The following METTL15 variants were observed in gnomAD, a reference collection of about 807,000 sequenced individuals.
METTL15 encodes methyltransferase 15, mitochondrial 12S rRNA N4-cytidine, also known as 12S rRNA N(4)-cytidine methyltransferase METTL15.
Under a neutral mutation model 38.3 loss-of-function variants are expected in METTL15, and 34 were observed. The ratio of observed to expected loss-of-function variants is 0.89; its 90% CI spans 0.68 to 1.18. METTL15 has a LOEUF of 1.18. Among genes scored for constraint, METTL15 ranks in the 50% most tolerant of loss-of-function variants. METTL15 has a pLI of 0.00. For missense variants in METTL15, 438 were observed against 498.4 expected, an observed-to-expected ratio of 0.88 and a Z score of 1.15; for synonymous variants, 162 against 170.9, an observed-to-expected ratio of 0.95 and a Z score of 0.41.
intron 3 of METTL15, among the ~76,000 whole-genome samples, chr11:28,173,170 G>C (rs1850922620): frequency 6.6e-6 from 1 of 152,086 alleles, no homozygotes; most frequent in Non-Finnish European, 1.5e-5. Flanking sequence ...AGATACTACA[G>C]AGTTCCCTAA....
chr11:28,372,053 C>G (rs1161376648), intron 5 of METTL15, among the ~76,000 whole-genome samples: 1 of 151,990 alleles, frequency 6.6e-6, no homozygotes, highest in Non-Finnish European at 1.5e-5. Flanking sequence ...AGTAGGCATT[C>G]TTATCATATT....
At chr11:28,338,230 T>G (rs865906175), downstream of METTL15, among the ~76,000 whole-genome samples, 2 of 152,104 alleles carry the variant, frequency 1.3e-5, no homozygotes, top group East Asian at 1.9e-4. Flanking sequence ...ACTGTTTTTC[T>G]TACCAAAATA....
chr11:28,362,761 A>G (rs1850151252), intron 5 of METTL15, among the ~76,000 whole-genome samples: 1 of 152,084 alleles, frequency 6.6e-6, no homozygotes, highest in African/African-American at 2.4e-5. Flanking sequence ...TCTTTATCTA[A>G]TCCACTGTTG....
intron 6 of METTL15, among the ~76,000 whole-genome samples, chr11:28,427,863 A>G (rs1850879246): frequency 6.6e-6 from 1 of 152,212 alleles, no homozygotes; most frequent in African/African-American, 2.4e-5. Context: ...TCATTTGCAA[A>G]CAAAGATAGT....
chr11:28,428,657 C>T (rs1850885598), intron 6 of METTL15, among the ~76,000 whole-genome samples: 1 of 152,182 alleles, frequency 6.6e-6, no homozygotes, highest in Non-Finnish European at 1.5e-5. Context: ...CTAACATGGA[C>T]TCTGGGAGGC....
rs1856347200 is a variant in METTL15 at position 28,287,879 on chromosome 11, G to A, written c.408-2327G>A. 2.6e-5 allele frequency among the ~76,000 whole-genome samples: 4 copies of A among 152,050 alleles called. 1 individual carries two copies. In the South Asian group the frequency reaches 6.2e-4, roughly 24 times the overall value. On this transcript the variant is annotated intron_variant, in intron 4 of 6. Transcript: ENST00000407364. ...ATCACATTCTTCTGGGGACCAGGGG[G>A]CAACCCAACCTCTTAAAATCTCCTT...
chr11:28,268,043 A>G (rs1024677888), intron 4 of METTL15, among the ~76,000 whole-genome samples: 3 of 151,516 alleles, frequency 2.0e-5, no homozygotes, highest in Non-Finnish European at 3.0e-5. Context: ...TAAAAATACA[A>G]AAAATTAGCC....
At chr11:28,466,251 A>T (rs1467275860) in intron 6 of METTL15, among the ~76,000 whole-genome samples, 1 of 152,210 alleles carries the variant, frequency 6.6e-6, no homozygotes, top group East Asian at 1.9e-4. Context: ...AGGTGGATAG[A>T]TTGACGAACG....
chr11:28,418,259 T>C (rs184697093), intron 5 of METTL15, among the ~76,000 whole-genome samples: 1 of 152,264 alleles, frequency 6.6e-6, no homozygotes, highest in East Asian at 1.9e-4. Flanking sequence ...TACAAGCAAA[T>C]TGACTCCAAC....
At chr11:28,415,480 G>A (rs1398531790) in intron 5 of METTL15, among the ~76,000 whole-genome samples, 1 of 152,168 alleles carries the variant, frequency 6.6e-6, no homozygotes, top group Non-Finnish European at 1.5e-5. Context: ...TGAAGAATAT[G>A]TATACACATT....
chr11:28,454,540 A>C (rs763188062), intron 6 of METTL15, among the ~76,000 whole-genome samples: 1 of 152,162 alleles, frequency 6.6e-6, no homozygotes, highest in Non-Finnish European at 1.5e-5. Flanking sequence ...CTTTCTCTAC[A>C]TTATACCAGA....
chr11:28,305,277 C>A (rs950482031), intron 6 of METTL15, among the ~76,000 whole-genome samples: 1 of 152,080 alleles, frequency 6.6e-6, no homozygotes, highest in African/African-American at 2.4e-5. Context: ...TTTGTGGCAC[C>A]AAATGGGGAG....
intron 6 of METTL15, among the ~76,000 whole-genome samples, chr11:28,489,110 T>A (rs1436708700): frequency 6.6e-6 from 1 of 152,156 alleles, no homozygotes; most frequent in Non-Finnish European, 1.5e-5. Flanking sequence ...GGGTGAGATG[T>A]GTGTCACAAA....
intron 3 of METTL15, among the ~76,000 whole-genome samples, chr11:28,175,030 T>C (rs1187607750): frequency 1.3e-5 from 2 of 152,164 alleles, no homozygotes; most frequent in East Asian, 1.9e-4. Flanking sequence ...ATGTGCCATG[T>C]TGGTGTGCTG....
At chr11:28,430,521 G>C (rs1445216218) in intron 6 of METTL15, among the ~76,000 whole-genome samples, 8 of 23,504 alleles carry the variant, frequency 3.4e-4, no homozygotes, top group African/African-American at 1.4e-3. Flanking sequence ...CCCCCCACCC[G>C]GCCAGCCGCC....
At chr11:28,424,035 A>G (rs960607717) in intron 5 of METTL15, among the ~76,000 whole-genome samples, 5 of 152,010 alleles carry the variant, frequency 3.3e-5, no homozygotes, top group Non-Finnish European at 7.4e-5. Flanking sequence ...CAAACAAAAA[A>G]CTTCCATAAA....
At chr11:28,122,952 G>A (rs1852315118) in intron 3 of METTL15, among the ~76,000 whole-genome samples, 1 of 151,892 alleles carries the variant, frequency 6.6e-6, no homozygotes, top group African/African-American at 2.4e-5. Context: ...TTAGAAATTA[G>A]TTTTTAAAAT....
chr11:28,353,224 A>G (rs188555758), intron 4 of METTL15, among the ~76,000 whole-genome samples: 1 of 152,330 alleles, frequency 6.6e-6, no homozygotes, highest in Admixed American at 6.5e-5. Context: ...CTTGGCAGAT[A>G]GCAAAAGGCT....
chr11:28,130,956 C>T (rs959244699), intron 3 of METTL15, among the ~76,000 whole-genome samples: 1 of 152,138 alleles, frequency 6.6e-6, no homozygotes, highest in Non-Finnish European at 1.5e-5. Flanking sequence ...TGAATAGACA[C>T]TGTAAGTCAT....
Sources: allele counts gnomAD v4.1 joint callset (sites outside exome capture counted in the v4.1 genomes callset), GRCh38; gene constraint gnomAD v4.1.1; transcripts MANE v1.5; gene names NCBI Gene and HGNC (gene_info 2026-07-23, HGNC 2026-07-21).